NCF2: variants seen among roughly 807,000 people sequenced by gnomAD.
The protein encoded by NCF2 is neutrophil cytosolic factor 2.
In NCF2, 45 loss-of-function variants were observed where a neutral mutation model predicts 70.9. The observed-to-expected ratio is 0.63, with a 90% CI of 0.50 to 0.81. NCF2 has a LOEUF of 0.81. Among genes scored for constraint, NCF2 ranks in the 40% least tolerant of loss-of-function variants. The pLI is 0.00. For synonymous variants in NCF2, 203 were observed against 233.6 expected (o/e 0.87, Z 1.19); for missense variants, 522 against 631.6 (o/e 0.83, Z 1.86).
At chr1:183,581,676 T>G (rs78673263) in intron 2 of NCF2, among the ~76,000 whole-genome samples, 1 of 73,542 alleles carries the variant, frequency 1.4e-5, no homozygotes, top group East Asian at 9.1e-4. Context: ...TGCTAAGTGT[T>G]TTTTTTTTTT....
At chr1:183,579,073 G>A (rs1001155924) in intron 2 of NCF2, among the ~76,000 whole-genome samples, 15 of 152,152 alleles carry the variant, frequency 9.9e-5, no homozygotes, top group African/African-American at 1.4e-4. Flanking sequence ...CTACCAACCC[G>A]GCTTCTCTTG....
the NCF2 span, among the ~76,000 whole-genome samples, chr1:183,598,823 T>C: frequency 6.6e-6 from 1 of 152,204 alleles, no homozygotes; most frequent in African/African-American, 2.4e-5. Context: ...AAATGTAGAC[T>C]CGTTAAAAAC....
At chr1:183,599,640 C>G in the NCF2 span, among the ~76,000 whole-genome samples, 3 of 151,820 alleles carry the variant, frequency 2.0e-5, no homozygotes, top group East Asian at 3.9e-4. Flanking sequence ...CAACCTCCAC[C>G]TCCCGGGTTC....
chr1:183,596,995 G>A, the NCF2 span, among the ~76,000 whole-genome samples: 2 of 152,134 alleles, frequency 1.3e-5, no homozygotes, highest in Admixed American at 6.6e-5. Context: ...TGAGGGCAGG[G>A]AACAGGCTTT....
intron 2 of NCF2, among the ~76,000 whole-genome samples, chr1:183,584,983 T>C (rs1026877048): frequency 6.6e-6 from 1 of 152,224 alleles, no homozygotes; most frequent in Non-Finnish European, 1.5e-5. Context: ...GGATATCTTC[T>C]CCCAATCCCA....
At chr1:183,573,132 C>T in intron 5 of NCF2, 53 bp downstream of exon 5, 1 of 1,545,438 alleles carries the variant, frequency 6.5e-7, no homozygotes, top group South Asian at 1.1e-5. Context: ...CCACCTTGCT[C>T]CACATGGCCC....
chr1:183,562,994 G>A lies in NCF2; in HGVS notation c.1290+201C>T, dbSNP rs192417377. Reference sequence around the variant, plus strand: ...GAGCTCCTGCCCTGCTGGGCCTGCTGTTCTCTTGTGGGAAACTCTCTCCCT... The same window carrying A: ...GAGCTCCTGCCCTGCTGGGCCTGCTATTCTCTTGTGGGAAACTCTCTCCCT... On this transcript the variant is annotated intron_variant, in intron 13 of 14. Coordinates refer to ENST00000367535, the MANE Select transcript of NCF2 (RefSeq NM_000433.4). 8.8e-4 allele frequency among the ~76,000 whole-genome samples: 134 copies of A among 152,280 alleles called. 2 individuals carry two copies. In the East Asian group the frequency reaches 0.019, roughly 21 times the overall value.
At chr1:183,587,595 C>CAAAAAAAAAAAAA (rs11287969) in intron 1 of NCF2, among the ~76,000 whole-genome samples, 4 of 41,890 alleles carry the variant, frequency 9.5e-5, no homozygotes, top group Non-Finnish European at 1.8e-4. Flanking sequence ...CACCCTGTCT[C>CAAAAAAAAAAAAA]AAAAAAAAAA....
At chr1:183,583,722 G>A (rs1023551267) in intron 2 of NCF2, among the ~76,000 whole-genome samples, 9 of 152,206 alleles carry the variant, frequency 5.9e-5, no homozygotes, top group Admixed American at 2.0e-4. Flanking sequence ...GGGAGCAGAC[G>A]CTGCCTTAGT....
intron 2 of NCF2, among the ~76,000 whole-genome samples, chr1:183,584,861 C>A (rs1000797526): frequency 2.0e-5 from 3 of 152,060 alleles, no homozygotes; most frequent in Non-Finnish European, 4.4e-5. Flanking sequence ...ATATATACAC[C>A]TACTGCATAC....
chr1:183,576,541 C>T (rs1672807916), intron 3 of NCF2, among the ~76,000 whole-genome samples: 1 of 152,178 alleles, frequency 6.6e-6, no homozygotes, highest in African/African-American at 2.4e-5. Context: ...GCACCACAAC[C>T]CCTCTCTCGC....
chr1:183,568,136 T>C (rs1237070166), intron 7 of NCF2, among the ~76,000 whole-genome samples: 1 of 151,572 alleles, frequency 6.6e-6, no homozygotes, highest in Non-Finnish European at 1.5e-5. Context: ...TCCAGCCCCC[T>C]CATTTTTGTA....
chr1:183,556,002 A>ATAGT lies in NCF2; in HGVS notation c.*112_*115dup, dbSNP rs1354236834. ...TAGGTTAAATTTTAACAGGGAATAAATAGTTAACACTTCCAAACTGTAATG... is the reference window on the plus strand; with the variant it reads ...TAGGTTAAATTTTAACAGGGAATAAATAGTTAGTTAACACTTCCAAACTGTAATG... On this transcript the variant is annotated 3_prime_UTR_variant, in exon 15 of 15. Coordinates refer to ENST00000367535, the MANE Select transcript of NCF2 (RefSeq NM_000433.4). The ATAGT allele has an allele frequency of 1.2e-5, 11 of 884,720 alleles. No individual in the cohort carries two copies. Among genetic ancestry groups the ATAGT allele is most frequent in the Admixed American group, 2.0e-5 (1 of 50,366 alleles). 54.8% of individuals were successfully genotyped at this position (884,720 alleles called of 1,614,324 possible).
chr1:183,597,670 T>C, the NCF2 span: 2 of 152,366 alleles, frequency 1.3e-5, no homozygotes, highest in African/African-American at 4.8e-5. Flanking sequence ...TGTGTTCATG[T>C]ATACTCAATG....
At chr1:183,560,325 C>G in intron 13 of NCF2, 52 bp from the exon 14 acceptor site, 1 of 1,587,006 alleles carries the variant, frequency 6.3e-7, no homozygotes, top group Non-Finnish European at 8.7e-7. Flanking sequence ...CAAGTGAACA[C>G]TGAACATCAC....
rs2274064 is a variant in NCF2, at chr1:183,573,252, T to C, written c.542A>G (p.Lys181Arg). The change falls in exon 5 of 15, where the codon AAG becomes AGG. Residue 181 changes from lysine to arginine, a missense_variant. Transcript: ENST00000367535. Reference protein sequence around the residue: ...LYEPVVIPVGKLFRPNERQVA... With the variant: ...LYEPVVIPVGRLFRPNERQVA... ...TTGTCTCTCATTTGGTCGAAACAGC[T>C]TGCCCACAGGGATCACCACTGGCTC... 0.48 allele frequency: 780,388 copies of C among 1,613,334 alleles called. 191,513 individuals are homozygous for C. The highest frequency in any genetic ancestry group is 0.63 in the East Asian group (28,154 of 44,844).
chr1:183,593,734 T>G (rs1416186227), upstream of NCF2, among the ~76,000 whole-genome samples: 40 of 152,234 alleles, frequency 2.6e-4, no homozygotes. Flanking sequence ...TGTCCCTCAA[T>G]GCAGGGGCAG....
At chr1:183,559,664 G>A (rs1308097992) in intron 14 of NCF2, among the ~76,000 whole-genome samples, 1 of 152,148 alleles carries the variant, frequency 6.6e-6, no homozygotes, top group African/African-American at 2.4e-5. Flanking sequence ...TTTGAGACCA[G>A]CCTGGTCAAC....
intron 9 of NCF2, 122 bp downstream of exon 9, chr1:183,566,798 C>G (rs1048801594): frequency 1.2e-4 from 150 of 1,289,858 alleles, no homozygotes; most frequent in Admixed American, 1.7e-4. Context: ...AAGGCGGGCT[C>G]AAGACTAGTG....
Sources: allele counts gnomAD v4.1 joint callset (sites outside exome capture counted in the v4.1 genomes callset), GRCh38; gene constraint gnomAD v4.1.1; transcripts MANE v1.5; gene names NCBI Gene and HGNC (gene_info 2026-07-23, HGNC 2026-07-21).